The following ITPKB variants were observed in gnomAD, a reference collection of about 807,000 sequenced individuals.
The protein encoded by ITPKB is inositol-trisphosphate 3-kinase B.
ITPKB carries 13 observed loss-of-function variants against 69.4 expected under a neutral mutation model. That is an observed-to-expected ratio of 0.19 (90% CI 0.12 to 0.30). The LOEUF is 0.30. ITPKB is among the 10% of genes least tolerant of loss of function. ITPKB has a pLI of 1.00. For synonymous variants in ITPKB, 584 were observed against 513.7 expected, an observed-to-expected ratio of 1.14 and a Z score of -1.85; for missense variants, 1,240 against 1,250.5, an observed-to-expected ratio of 0.99 and a Z score of 0.13.
In ITPKB at chr1:226,647,239, C is replaced by T. The variant is rs1669080615; in HGVS notation, c.2174G>A (p.Arg725His). 3.1e-6 allele frequency: 5 copies of T among 1,614,198 alleles called. No individual in the cohort carries two copies. The highest frequency in any genetic ancestry group is 1.3e-5 in the African/African-American group (1 of 75,046). The change falls in exon 4 of 8, where the codon CGC (arginine) becomes CAC (histidine). Residue 725 changes from arginine (R) to histidine (H), a missense_variant. Arg to His is a conservative substitution (Grantham distance 29). Around this residue, in one of 2 missense-constraint regions of ITPKB, gnomAD observed 248 missense variants for 396.7 expected, o/e 0.63. Transcript: ENST00000429204. ...YHGDVVKDGE[R>H]YNQMDDLLAD... ...CAGCAGGTCGTCCATCTGGTTGTAG[C>T]GCTCCCCGTCCTTCACCACATCCCC... is the stretch of plus-strand genomic sequence containing the variant.
At chr1:226,711,033 A>G (rs1044903312) in intron 2 of ITPKB, among the ~76,000 whole-genome samples, 3 of 152,230 alleles carry the variant, frequency 2.0e-5, no homozygotes, top group Admixed American at 1.3e-4. Context: ...GCATTCATGA[A>G]GCTGGCCCCA....
At chr1:226,669,539 A>T (rs1013905222) in intron 2 of ITPKB, among the ~76,000 whole-genome samples, 1 of 152,256 alleles carries the variant, frequency 6.6e-6, no homozygotes, top group East Asian at 1.9e-4. Flanking sequence ...CTCAACTGCC[A>T]GGCTAATGAA....
At chr1:226,732,102 C>CAAAAAAAAAAAAAAAAAAAAACAAAAACA (rs532778037) in intron 2 of ITPKB, among the ~76,000 whole-genome samples, 1 of 76,298 alleles carries the variant, frequency 1.3e-5, no homozygotes, top group Non-Finnish European at 2.8e-5. Context: ...TAGTCAACAT[C>CAAAAAAAAAAAAAAAAAAAAACAAAAACA]AAAAAAAAAA....
chr1:226,737,179 CGCT>C lies in ITPKB; in HGVS notation c.277_279del (p.Ser93del). Reference sequence around the variant, plus strand: ...CAACTTGGGCTGCTCACGCTACTGCCGCTGCTGCCGCTGCCACTGCCGCTGCTA... The same window carrying C: ...CAACTTGGGCTGCTCACGCTACTGCCGCTGCCGCTGCCACTGCCGCTGCTA... On this transcript the variant is annotated inframe_deletion, in exon 2 of 8. Coordinates refer to ENST00000429204, the MANE Select transcript of ITPKB (RefSeq NM_002221.4). 2 of 821,482 alleles carry C rather than the reference CGCT, an allele frequency of 2.4e-6. No individual in the cohort carries two copies. Among genetic ancestry groups the C allele is most frequent in the South Asian group, 4.4e-5 (2 of 45,314 alleles). 50.9% of individuals were successfully genotyped at this position (821,482 alleles called of 1,614,324 possible). A position where few individuals can be genotyped will look rare whatever the true frequency, so the allele number is the denominator to read the frequency against.
intron 2 of ITPKB, among the ~76,000 whole-genome samples, chr1:226,730,128 C>T (rs1657545917): frequency 1.3e-5 from 2 of 152,204 alleles, no homozygotes; most frequent in African/African-American, 4.8e-5. Context: ...AATTTGACTA[C>T]AAGGTCAAGG....
At chr1:226,686,062 A>T (rs991961877) in intron 2 of ITPKB, among the ~76,000 whole-genome samples, 4 of 152,272 alleles carry the variant, frequency 2.6e-5, no homozygotes, top group South Asian at 4.1e-4. Flanking sequence ...TTGCTAAAGG[A>T]AAGGGAATGG....
At chr1:226,714,501 A>C (rs952464169) in intron 2 of ITPKB, among the ~76,000 whole-genome samples, 2 of 152,226 alleles carry the variant, frequency 1.3e-5, no homozygotes, top group African/African-American at 4.8e-5. Flanking sequence ...GTTTGAACAG[A>C]GGAAACAAGA....
chr1:226,634,537 T>G lies in ITPKB; in HGVS notation c.*134A>C. The G allele has an allele frequency of 1.7e-6, 1 of 605,382 alleles. No homozygotes were observed. Among genetic ancestry groups the G allele is most frequent in the East Asian group, 2.8e-5 (1 of 36,196 alleles). The allele number at this position is 605,382 out of a possible 1,614,324, so 37.5% of individuals were successfully genotyped here. On this transcript the variant is annotated 3_prime_UTR_variant, in exon 8 of 8. Transcript: ENST00000429204. The surrounding 1 kb of genome is among the most constrained non-coding windows in gnomAD (Gnocchi z 6.3). ...AAAATGACTAGAAACTCTCATCTCCTCTTCTACAAAGTGTCTTGTAGTGCA... is the reference window on the plus strand; with the variant it reads ...AAAATGACTAGAAACTCTCATCTCCGCTTCTACAAAGTGTCTTGTAGTGCA...
intron 2 of ITPKB, among the ~76,000 whole-genome samples, chr1:226,725,580 T>TCA (rs1189253808): frequency 2.6e-5 from 4 of 152,136 alleles, no homozygotes; most frequent in African/African-American, 7.2e-5. Context: ...TTAAGTACCC[T>TCA]CAAACTCTAG....
At position 226,735,750 on chromosome 1, in the gene ITPKB, A is replaced by T; in HGVS notation, c.1709T>A (p.Ile570Asn). ...ACSPSNIPAV[I>N]ITDMGTQEDG... is the part of the protein sequence containing the mutation. ...CTCCTGGGTGCCCATGTCTGTAATG[A>T]TGACAGCAGGTATGTTGCTGGGGCT... Residue 570 changes from isoleucine (I) to asparagine (N), a missense_variant, in exon 2 of 8, where the codon ATC becomes AAC. This residue lies in a region of ITPKB where 992 missense variants were observed against 853.8 expected (regional missense o/e 1.16). Transcript: ENST00000429204. The T allele has an allele frequency of 6.3e-7, 1 of 1,594,316 alleles. No homozygotes were observed. Among genetic ancestry groups the T allele is most frequent in the Non-Finnish European group, 8.6e-7 (1 of 1,166,062 alleles).
At position 226,637,877 on chromosome 1, in the gene ITPKB, C is replaced by G; in HGVS notation, c.2554-127G>C. The G allele has an allele frequency of 1.4e-6, 1 of 696,544 alleles. No individual in the cohort carries two copies. The highest frequency in any genetic ancestry group is 2.6e-6 in the Non-Finnish European group (1 of 388,920). 43.1% of individuals were successfully genotyped at this position (696,544 alleles called of 1,614,324 possible). On this transcript the variant is annotated intron_variant, in intron 6 of 7. Transcript: ENST00000429204. This position sits in a 1 kb window ranked among gnomAD's most constrained non-coding sequence, Gnocchi z 4.3. ...ACCCTAAACGCCGGACATCTAGAGG[C>G]AGCTTCCTGCGAGCAGGGCTGCTGT... is the stretch of plus-strand genomic sequence containing the variant.
At chr1:226,684,185 G>A (rs1357100022) in intron 2 of ITPKB, among the ~76,000 whole-genome samples, 1 of 152,098 alleles carries the variant, frequency 6.6e-6, no homozygotes, top group African/African-American at 2.4e-5. Context: ...CAAAACGAAG[G>A]GGAAGGAAAT....
intron 2 of ITPKB, among the ~76,000 whole-genome samples, chr1:226,681,078 T>C (rs1024727927): frequency 1.3e-5 from 2 of 152,230 alleles, no homozygotes; most frequent in South Asian, 2.1e-4. Context: ...CCATCCTTGA[T>C]AGCCTTTCAG....
At chr1:226,699,892 T>C (rs970448188) in intron 2 of ITPKB, among the ~76,000 whole-genome samples, 2 of 152,174 alleles carry the variant, frequency 1.3e-5, no homozygotes, top group African/African-American at 4.8e-5. Context: ...CAATAGGCTG[T>C]CTGCAAGCTG....
chr1:226,734,838 C>T (rs1479010146), intron 2 of ITPKB, among the ~76,000 whole-genome samples: 1 of 152,226 alleles, frequency 6.6e-6, no homozygotes, highest in African/African-American at 2.4e-5. Flanking sequence ...CCGGAGATAA[C>T]ACTCAGGTGC....
intron 2 of ITPKB, among the ~76,000 whole-genome samples, chr1:226,654,968 GGAA>G (rs914277052): frequency 1.3e-5 from 2 of 151,184 alleles, no homozygotes; most frequent in African/African-American, 4.9e-5. Flanking sequence ...GGAGGAGGGA[GGAA>G]GAAGAGGAGA....
At chr1:226,723,776 G>GCTGGTCCCCAGGGTGTGTAAC (rs1657318310) in intron 2 of ITPKB, among the ~76,000 whole-genome samples, 1 of 152,056 alleles carries the variant, frequency 6.6e-6, no homozygotes, top group African/African-American at 2.4e-5. Flanking sequence ...ATAAAAAGAG[G>GCTGGTCCCCAGGGTGTGTAAC]CTGGTCCCCA....
At chr1:226,701,770 G>C (rs1293121758) in intron 2 of ITPKB, among the ~76,000 whole-genome samples, 1 of 152,144 alleles carries the variant, frequency 6.6e-6, no homozygotes, top group African/African-American at 2.4e-5. Context: ...GGCTGCGCCT[G>C]AAATGAGTAC....
intron 4 of ITPKB, among the ~76,000 whole-genome samples, chr1:226,643,301 G>A (rs568467985): frequency 4.5e-4 from 69 of 152,270 alleles, no homozygotes; most frequent in Admixed American, 1.6e-3. Flanking sequence ...AGCAGAGGTG[G>A]GGTGAGTCAT....
Sources: gnomAD v4.1 joint callset for allele counts (sites outside exome capture counted in the v4.1 genomes callset) on GRCh38, gnomAD v4.1.1 for gene constraint, gnomAD v4.1.1 regional missense constraint, Gnocchi (gnomAD v3.1) non-coding constraint, MANE v1.5 for transcripts, NCBI Gene and HGNC (gene_info 2026-07-23, HGNC 2026-07-21) for gene names.